CNTN5: variants seen among roughly 807,000 people sequenced by gnomAD.
CNTN5 encodes the protein contactin-5.
CNTN5 carries 77 observed loss-of-function variants against 129.1 expected under a neutral mutation model. The ratio of observed to expected loss-of-function variants is 0.60; its 90% confidence interval spans 0.50 to 0.72. CNTN5 has a LOEUF of 0.72. CNTN5 is among the 30% of genes least tolerant of loss of function. The pLI is 0.00. For missense variants in CNTN5, 1,478 were observed against 1,328.8 expected, an observed-to-expected ratio of 1.11 and a Z score of -1.75; for synonymous variants, 509 against 465.6, an observed-to-expected ratio of 1.09 and a Z score of -1.20.
intron 3 of CNTN5, among the ~76,000 whole-genome samples, chr11:99,683,515 A>G (rs1294836683): frequency 6.6e-6 from 1 of 151,922 alleles, no homozygotes; most frequent in South Asian, 2.1e-4. Flanking sequence ...TTGTGCCAAT[A>G]TCATACTGCC....
intron 1 of CNTN5, among the ~76,000 whole-genome samples, chr11:99,273,681 C>G (rs1001408518): frequency 5.9e-5 from 9 of 151,444 alleles, no homozygotes; most frequent in African/African-American, 2.2e-4. Flanking sequence ...TGAGAAATTT[C>G]TGATTTGTTT....
chr11:100,081,799 A>G (rs1325771316), intron 13 of CNTN5, among the ~76,000 whole-genome samples: 1 of 152,236 alleles, frequency 6.6e-6, no homozygotes, highest in Non-Finnish European at 1.5e-5. Flanking sequence ...GAAATTGACA[A>G]ACATCTCACC....
intron 2 of CNTN5, among the ~76,000 whole-genome samples, chr11:99,474,555 T>C (rs1945297434): frequency 6.6e-6 from 1 of 152,146 alleles, no homozygotes. Flanking sequence ...ATTTATTTTA[T>C]TTATTTTTGC....
At chr11:100,309,773 C>G in intron 21 of CNTN5, 2 of 911,902 alleles carry the variant, frequency 2.2e-6, no homozygotes, top group South Asian at 1.0e-4. Context: ...TCCAGTTTCC[C>G]TTCTCTATGG....
chr11:99,226,780 G>A (rs2135716834), intron 1 of CNTN5, among the ~76,000 whole-genome samples: 1 of 152,246 alleles, frequency 6.6e-6, no homozygotes, highest in East Asian at 1.9e-4. Context: ...TTTGATACAT[G>A]CTAAGGGTGC....
intron 3 of CNTN5, among the ~76,000 whole-genome samples, chr11:99,610,331 A>G (rs958124549): frequency 3.3e-5 from 5 of 152,098 alleles, no homozygotes; most frequent in Admixed American, 2.0e-4. Context: ...ATCATATTCT[A>G]TCTGGTGTTA....
intron 15 of CNTN5, among the ~76,000 whole-genome samples, chr11:100,205,033 T>C (rs973860753): frequency 6.6e-6 from 1 of 152,066 alleles, no homozygotes; most frequent in Non-Finnish European, 1.5e-5. Context: ...GTTCCTATTA[T>C]TTAATACCAC....
chr11:99,214,358 T>A (rs1860002661), intron 1 of CNTN5, among the ~76,000 whole-genome samples: 2 of 145,718 alleles, frequency 1.4e-5, no homozygotes, highest in Non-Finnish European at 3.1e-5. Context: ...TTCAGAAAAT[T>A]AAGATACCAA....
intron 14 of CNTN5, among the ~76,000 whole-genome samples, chr11:100,191,827 G>C (rs1047954783): frequency 7.2e-5 from 11 of 151,820 alleles, no homozygotes; most frequent in African/African-American, 2.7e-4. Flanking sequence ...TCTAAAATGA[G>C]CTCGATTTCA....
At chr11:99,139,067 G>C (rs1458958732) in intron 1 of CNTN5, among the ~76,000 whole-genome samples, 1 of 149,360 alleles carries the variant, frequency 6.7e-6, no homozygotes, top group Non-Finnish European at 1.5e-5. Context: ...ATCTTGGGTA[G>C]AGATGGGCGA....
At chr11:99,744,053 A>T (rs12221910) in intron 3 of CNTN5, among the ~76,000 whole-genome samples, 33,067 of 151,930 alleles carry the variant, frequency 0.22, 3,944 homozygotes, top group Admixed American at 0.35. Context: ...AAAAATTTAC[A>T]TGTTGCCATA....
chr11:99,572,760 G>A (rs59729057), intron 3 of CNTN5, among the ~76,000 whole-genome samples: 4 of 30,144 alleles, frequency 1.3e-4, no homozygotes, highest in African/African-American at 2.6e-4. Context: ...ATAATTGAGG[G>A]TTTTTTTTAA....
chr11:100,000,589 C>T (rs1312685295), intron 8 of CNTN5, among the ~76,000 whole-genome samples: 1 of 152,154 alleles, frequency 6.6e-6, no homozygotes, highest in African/African-American at 2.4e-5. Context: ...ATTCTGGGGT[C>T]TGGAGGATGG....
chr11:99,121,082 A>G (rs7930227), intron 1 of CNTN5, among the ~76,000 whole-genome samples: 46,800 of 151,326 alleles, frequency 0.31, 7,417 homozygotes, highest in Middle Eastern at 0.39. Context: ...AGCCTTAAAT[A>G]CTACAGGAAT....
intron 1 of CNTN5, among the ~76,000 whole-genome samples, chr11:99,209,372 C>T (rs777463809): frequency 9.2e-5 from 14 of 152,096 alleles, no homozygotes; most frequent in South Asian, 2.1e-4. Context: ...AGGAAGCTTA[C>T]GATCATGGTG....
In CNTN5 at chr11:100,135,180, T is replaced by C. The variant is rs1485261865; in HGVS notation, c.1581-55946T>C. Among the ~76,000 whole-genome samples the C allele has an allele frequency of 6.7e-5, 10 of 150,266 alleles. No homozygotes were observed. The East Asian group carries it at 1.6e-3, about 24-fold the overall frequency. ...TGTTAGGTTGGATATAAAAGTGTTT[T>C]TTTTTTTTTTTTTGAGACAGAATCT... On this transcript the variant is annotated intron_variant, in intron 13 of 24. Coordinates refer to ENST00000524871, the MANE Select transcript of CNTN5 (RefSeq NM_014361.4).
chr11:99,817,368 G>A (rs141188882), intron 3 of CNTN5, among the ~76,000 whole-genome samples: 38 of 152,254 alleles, frequency 2.5e-4, no homozygotes, highest in African/African-American at 8.4e-4. Flanking sequence ...AGCCAAATTA[G>A]CATTTGGCTC....
chr11:99,994,543 T>C (rs1939325312), intron 8 of CNTN5, among the ~76,000 whole-genome samples: 1 of 152,158 alleles, frequency 6.6e-6, no homozygotes, highest in African/African-American at 2.4e-5. Flanking sequence ...CCTATGACAC[T>C]GAGTAAATGC....
rs541822448 is a variant in CNTN5, at chr11:99,918,410, A to G, written c.673+2261A>G. Among the ~76,000 whole-genome samples the G allele has an allele frequency of 5.3e-5, 8 of 152,328 alleles. No homozygotes were observed. The South Asian group carries it at 1.7e-3, about 32-fold the overall frequency. ...CTGCTGTCAATTTAAAATAAAAATG[A>G]TGAACTTTACATCTTAATGTTAACT... is the stretch of plus-strand genomic sequence containing the variant. On this transcript the variant is annotated intron_variant, in intron 7 of 24. Coordinates refer to ENST00000524871, the MANE Select transcript of CNTN5 (RefSeq NM_014361.4).
Sources: allele counts gnomAD v4.1 joint callset (sites outside exome capture counted in the v4.1 genomes callset), GRCh38; gene constraint gnomAD v4.1.1; transcripts MANE v1.5; gene names NCBI Gene and HGNC (gene_info 2026-07-23, HGNC 2026-07-21).